Variants in CMKLR1 observed in about 807,000 individuals in gnomAD.
The protein encoded by CMKLR1 is chemerin-like receptor 1.
CMKLR1 carries 6 observed loss-of-function variants against 8.2 expected under a neutral mutation model. The ratio of observed to expected loss-of-function variants is 0.73; its 90% CI spans 0.40 to 1.44. The LOEUF is 1.44. Among genes scored for constraint, CMKLR1 ranks in the 40% most tolerant of loss-of-function variants. The probability of loss-of-function intolerance (pLI) is 0.02; values close to 1 mark genes in which losing one functional copy is unlikely to be tolerated. For missense variants in CMKLR1, 429 were observed against 478.0 expected, an observed-to-expected ratio of 0.90 and a Z score of 0.96; for synonymous variants, 178 against 181.2, an observed-to-expected ratio of 0.98 and a Z score of 0.14.
rs1360042107 is a variant in CMKLR1 at position 108,290,407 on chromosome 12, G to A, written c.*1434C>T. On this transcript the variant is annotated 3_prime_UTR_variant, in exon 4 of 4. Transcript: ENST00000550402. ...TAACCATACCTAACTCAGGGTTGCT[G>A]TAATGATTAAATGAGAAAACATATG... 1 of 152,150 alleles carries A rather than the reference G, an allele frequency of 6.6e-6. No individual in the cohort carries two copies. Among genetic ancestry groups the A allele is most frequent in the Non-Finnish European group, 1.5e-5 (1 of 68,034 alleles). The allele number at this position is 152,150 out of a possible 1,614,324, so 9.4% of individuals were successfully genotyped here. A position where few individuals can be genotyped will look rare whatever the true frequency, so the allele number is the denominator to read the frequency against.
At chr12:108,309,657 G>A (rs1432347044) in intron 2 of CMKLR1, among the ~76,000 whole-genome samples, 4 of 152,180 alleles carry the variant, frequency 2.6e-5, no homozygotes, top group Admixed American at 6.5e-5. Flanking sequence ...GGAACAGATC[G>A]TGGCACAGTC....
chr12:108,295,232 T>A (rs1891102116), intron 2 of CMKLR1, among the ~76,000 whole-genome samples: 1 of 152,162 alleles, frequency 6.6e-6, no homozygotes, highest in South Asian at 2.1e-4. Flanking sequence ...TTTAACCCCA[T>A]AAGGGGCTAC....
In CMKLR1 at chr12:108,289,331, G is replaced by A. The variant is rs1421216434; in HGVS notation, c.*2510C>T. The A allele has an allele frequency of 6.6e-6, 1 of 152,296 alleles. No homozygotes were observed. Among genetic ancestry groups the A allele is most frequent in the African/African-American group, 2.4e-5 (1 of 41,430 alleles). 9.4% of individuals were successfully genotyped at this position (152,296 alleles called of 1,614,324 possible). ...CAGGGACGATATATGCATGACCCAT[G>A]GAGATGTTCACATGAAGCTGTGGGG... is the stretch of plus-strand genomic sequence containing the variant. On this transcript the variant is annotated 3_prime_UTR_variant, in exon 4 of 4. Transcript: ENST00000550402.
chr12:108,308,451 C>T (rs961529584), intron 2 of CMKLR1, among the ~76,000 whole-genome samples: 2 of 152,040 alleles, frequency 1.3e-5, no homozygotes, highest in African/African-American at 4.8e-5. Flanking sequence ...TCCAGGGTAG[C>T]CCCGCCCGGA....
intron 2 of CMKLR1, among the ~76,000 whole-genome samples, chr12:108,318,744 C>T (rs1891790477): frequency 6.6e-6 from 1 of 152,214 alleles, no homozygotes; most frequent in African/African-American, 2.4e-5. Flanking sequence ...GATCCCATAG[C>T]AGCCAGAGCC....
intron 2 of CMKLR1, among the ~76,000 whole-genome samples, chr12:108,300,515 C>A (rs776899742): frequency 6.6e-6 from 1 of 152,110 alleles, no homozygotes; most frequent in Non-Finnish European, 1.5e-5. Flanking sequence ...TTCTGTCTCA[C>A]TGGATCTGTC....
chr12:108,313,918 A>C (rs903601303), intron 2 of CMKLR1, among the ~76,000 whole-genome samples: 2 of 151,716 alleles, frequency 1.3e-5, no homozygotes, highest in Non-Finnish European at 2.9e-5. Context: ...CAAGCCAGCC[A>C]CCTCCCTCCC....
rs534672290 is a variant in CMKLR1 at position 108,298,290 on chromosome 12, A to C, written c.-73-4626T>G. On this transcript the variant is annotated intron_variant, in intron 2 of 3. Transcript: ENST00000550402. ...TTGATTGGGTGCACATAAGAGTCCA[A>C]ACACTGTATCAAGCACTTTCATTGC... Among the ~76,000 whole-genome samples, 3 of 152,298 alleles carry C rather than the reference A, an allele frequency of 2.0e-5. No homozygotes were observed. In the South Asian group the frequency reaches 6.2e-4, roughly 32 times the overall value.
At chr12:108,315,919 T>C (rs1023076766) in intron 2 of CMKLR1, among the ~76,000 whole-genome samples, 4 of 152,092 alleles carry the variant, frequency 2.6e-5, no homozygotes, top group East Asian at 1.9e-4. Context: ...ATTTATCTCA[T>C]TGGTAAAATG....
intron 2 of CMKLR1, among the ~76,000 whole-genome samples, chr12:108,296,618 G>A (rs543511105): frequency 2.0e-5 from 3 of 152,292 alleles, no homozygotes; most frequent in South Asian, 4.1e-4. Context: ...TTGAGGCCAG[G>A]AGTTTGAGAC....
intron 2 of CMKLR1, among the ~76,000 whole-genome samples, chr12:108,318,104 A>C (rs965009114): frequency 6.6e-6 from 1 of 152,264 alleles, no homozygotes; most frequent in African/African-American, 2.4e-5. Context: ...ATTTGCCAGC[A>C]TTTAATTAAC....
chr12:108,334,301 T>A (rs978395361), intron 1 of CMKLR1, among the ~76,000 whole-genome samples: 8 of 152,254 alleles, frequency 5.3e-5, no homozygotes, highest in African/African-American at 1.4e-4. Context: ...GTCTGATTCA[T>A]CTCATTTTCT....
chr12:108,295,823 C>G (rs1370705011), intron 2 of CMKLR1, among the ~76,000 whole-genome samples: 1 of 152,244 alleles, frequency 6.6e-6, no homozygotes, highest in African/African-American at 2.4e-5. Context: ...GAGATGCAGC[C>G]TGAAGCAGAT....
chr12:108,337,060 A>G (rs1892243154), intron 1 of CMKLR1, among the ~76,000 whole-genome samples: 1 of 152,192 alleles, frequency 6.6e-6, no homozygotes, highest in African/African-American at 2.4e-5. Flanking sequence ...TGATAATAAT[A>G]TCAAATAATA....
intron 2 of CMKLR1, among the ~76,000 whole-genome samples, chr12:108,300,852 G>C (rs1891248245): frequency 6.6e-6 from 1 of 152,138 alleles, no homozygotes; most frequent in Non-Finnish European, 1.5e-5. Flanking sequence ...CTTTGTGCTG[G>C]ACAATGAGCC....
At chr12:108,305,997 C>T (rs12578852) in intron 2 of CMKLR1, among the ~76,000 whole-genome samples, 11,689 of 152,266 alleles carry the variant, frequency 0.077, 558 homozygotes, top group Middle Eastern at 0.12. Context: ...CACGCCACTG[C>T]CTGGCATCCT....
intron 2 of CMKLR1, among the ~76,000 whole-genome samples, chr12:108,314,167 ATAAAT>A (rs1344025602): frequency 4.6e-5 from 7 of 152,352 alleles, no homozygotes; most frequent in African/African-American, 1.2e-4. Flanking sequence ...TACAGGGAAC[ATAAAT>A]TAAAGTAAAA....
intron 2 of CMKLR1, among the ~76,000 whole-genome samples, chr12:108,316,807 T>C (rs752382785): frequency 1.1e-4 from 16 of 152,102 alleles, no homozygotes; most frequent in Non-Finnish European, 2.1e-4. Context: ...GGGTGGGGCT[T>C]TTGCTTTGGG....
At position 108,303,239 on chromosome 12, in the gene CMKLR1, G is replaced by A. The variant is rs528671692; in HGVS notation, c.-73-9575C>T. Among the ~76,000 whole-genome samples the A allele has an allele frequency of 9.2e-5, 14 of 152,302 alleles. No homozygotes were observed. The South Asian group carries it at 2.1e-3, about 23-fold the overall frequency. On this transcript the variant is annotated intron_variant, in intron 2 of 3. Transcript: ENST00000550402. ...GAGTCCTGGGCCCTAGTCCTTCCTC[G>A]TCGAGCCCAGCCCCTGCTGGGGGTG... is the stretch of plus-strand genomic sequence containing the variant.
Sources: gnomAD v4.1 joint callset for allele counts (sites outside exome capture counted in the v4.1 genomes callset) on GRCh38, gnomAD v4.1.1 for gene constraint, MANE v1.5 for transcripts, NCBI Gene and HGNC (gene_info 2026-07-23, HGNC 2026-07-21) for gene names.